UNC80: variants seen among roughly 807,000 people sequenced by gnomAD.
UNC80 encodes protein unc-80 homolog.
Under a neutral mutation model 384.6 loss-of-function variants are expected in UNC80, and 164 were observed. The observed-to-expected ratio is 0.43, with a 90% CI of 0.38 to 0.49. The LOEUF is 0.49. UNC80 is among the 20% of genes least tolerant of loss of function. UNC80 has a pLI of 0.00. For synonymous variants in UNC80, 1,486 were observed against 1,527.8 expected (o/e 0.97, Z 0.64); for missense variants, 3,330 against 4,143.0 (o/e 0.80, Z 5.39).
chr2:209,978,222 T>A (rs900562963), intron 58 of UNC80, among the ~76,000 whole-genome samples: 1 of 152,160 alleles, frequency 6.6e-6, no homozygotes, highest in African/African-American at 2.4e-5. Flanking sequence ...CAAATTTAAT[T>A]TGCATCCTAC....
intron 51 of UNC80, chr2:209,961,215 T>G (rs1002095388): frequency 2.6e-5 from 4 of 152,144 alleles, no homozygotes; most frequent in Admixed American, 2.6e-4. Context: ...TGGCGCTCCC[T>G]CTAGAGGCCA....
chr2:209,817,685 T>C (rs189863741), intron 10 of UNC80, 127 bp from the exon 11 acceptor site: 6 of 1,182,210 alleles, frequency 5.1e-6, no homozygotes, highest in Admixed American at 5.3e-5. Context: ...CTTGCTTTTT[T>C]TGTCTGTGTT....
intron 36 of UNC80, 71 bp downstream of exon 36, chr2:209,927,057 C>T: frequency 6.7e-7 from 1 of 1,492,558 alleles, no homozygotes; most frequent in South Asian, 1.3e-5. Flanking sequence ...CAGTAGGTTG[C>T]TCTTAAACAC....
chr2:209,852,309 T>C (rs1003370192), intron 22 of UNC80, among the ~76,000 whole-genome samples: 1 of 151,994 alleles, frequency 6.6e-6, no homozygotes, highest in Non-Finnish European at 1.5e-5. Context: ...TTAAAGGAGC[T>C]CAGTAGTTCC....
At chr2:209,815,495 G>C (rs924829091) in intron 9 of UNC80, 104 bp downstream of exon 9, 130 of 1,307,190 alleles carry the variant, frequency 9.9e-5, no homozygotes, top group Middle Eastern at 4.5e-4. Context: ...AGGTGGGAAA[G>C]GGAACTTAGA....
At chr2:209,912,891 G>A (rs541534880) in intron 30 of UNC80, among the ~76,000 whole-genome samples, 24 of 152,120 alleles carry the variant, frequency 1.6e-4, no homozygotes, top group African/African-American at 5.6e-4. Context: ...ACTTCGGTTC[G>A]AACCACAGCT....
At chr2:209,794,030 G>A (rs562458035) in intron 7 of UNC80, among the ~76,000 whole-genome samples, 171 bp downstream of exon 7, 9 of 152,258 alleles carry the variant, frequency 5.9e-5, no homozygotes, top group African/African-American at 1.9e-4. Context: ...TGCTATGAAT[G>A]GCTCTCCTTT....
chr2:209,789,388 A>G, intron 5 of UNC80, 144 bp from the exon 6 acceptor site: 1 of 586,302 alleles, frequency 1.7e-6, no homozygotes. Context: ...TTATTTGAAT[A>G]TCTCTTACAA....
chr2:209,849,506 A>C lies in UNC80; in HGVS notation c.3510A>C (p.Lys1170Asn). The change falls in exon 22 of 65, where the codon AAA becomes AAC. Residue 1170 changes from lysine (K) to asparagine (N), a missense_variant. This residue lies in a region of UNC80 where 801 missense variants were observed against 950.8 expected (regional missense o/e 0.84). Coordinates refer to ENST00000673920, the MANE Select transcript of UNC80 (RefSeq NM_001371986.1). ...LSPNQDGGKS[K>N]NVVNLGAIRQ... ...CCAACCAAGATGGTGGAAAAAGCAA[A>C]AACGTGGTGAATCTTGGAGCAATCC... 1 of 1,551,036 alleles carries C rather than the reference A, an allele frequency of 6.4e-7. No individual in the cohort carries two copies. The highest frequency in any genetic ancestry group is 8.7e-7 in the Non-Finnish European group (1 of 1,146,556).
At chr2:209,794,823 T>G (rs2078054633) in intron 7 of UNC80, 1 of 454,862 alleles carries the variant, frequency 2.2e-6, no homozygotes, top group South Asian at 1.6e-5. Flanking sequence ...ACCATGATTC[T>G]GAGGCCTTCT....
chr2:209,880,312 A>T (rs1054128154), intron 24 of UNC80, among the ~76,000 whole-genome samples: 1 of 152,236 alleles, frequency 6.6e-6, no homozygotes, highest in African/African-American at 2.4e-5. Flanking sequence ...TGCAGAGCAA[A>T]AGAGAATATT....
At chr2:209,862,649 CTT>C (rs71043955) in intron 22 of UNC80, among the ~76,000 whole-genome samples, 15 of 78,778 alleles carry the variant, frequency 1.9e-4, no homozygotes, top group East Asian at 2.9e-4. Context: ...GCAACCTCTG[CTT>C]TTTTTTTTTT....
chr2:209,922,772 T>C (rs1298077430), intron 35 of UNC80, among the ~76,000 whole-genome samples: 1 of 152,254 alleles, frequency 6.6e-6, no homozygotes, highest in South Asian at 2.1e-4. Context: ...CCTCCTCAGC[T>C]GATTTCAGTG....
At chr2:209,955,046 C>G (rs2092347695) in intron 48 of UNC80, among the ~76,000 whole-genome samples, 1 of 152,148 alleles carries the variant, frequency 6.6e-6, no homozygotes, top group Non-Finnish European at 1.5e-5. Flanking sequence ...GTATGATGGG[C>G]TTTTCTGCTC....
Position 209,902,904 on chromosome 2 carries a change from C to CGTGT in UNC80, c.4582-1824_4582-1821dup, listed in dbSNP as rs56102642. On this transcript the variant is annotated intron_variant, in intron 28 of 64. Transcript: ENST00000673920. Reference sequence around the variant, plus strand: ...TATCTCCAAGGTATGCCTGTATACACGTGTGTGTGTGTGTGTGTGTGTGTG... The same window carrying CGTGT: ...TATCTCCAAGGTATGCCTGTATACACGTGTGTGTGTGTGTGTGTGTGTGTGTGTG... Among the ~76,000 whole-genome samples the CGTGT allele has an allele frequency of 6.2e-3, 876 of 141,294 alleles. 5 individuals carry two copies. The highest frequency in any genetic ancestry group is 0.012 in the African/African-American group (465 of 38,342). The allele number at this position is 141,294 out of a possible 152,430, so 92.7% of individuals were successfully genotyped here. A position where few individuals can be genotyped will look rare whatever the true frequency, so the allele number is the denominator to read the frequency against.
intron 28 of UNC80, among the ~76,000 whole-genome samples, chr2:209,903,430 A>T (rs28408130): frequency 5.2e-5 from 6 of 114,962 alleles, no homozygotes; most frequent in African/African-American, 2.0e-4. Context: ...ATATATATTT[A>T]TATATATACA....
At chr2:209,931,364 AACACAC>A (rs61386739) in intron 38 of UNC80, among the ~76,000 whole-genome samples, 2,205 of 125,518 alleles carry the variant, frequency 0.018, 21 homozygotes, top group African/African-American at 0.028. Flanking sequence ...TCTATGTTTA[AACACAC>A]ACACACACAC....
chr2:209,844,448 T>C (rs1278088159), intron 21 of UNC80, among the ~76,000 whole-genome samples: 1 of 93,778 alleles, frequency 1.1e-5, no homozygotes, highest in Non-Finnish European at 2.0e-5. Context: ...TCTTGCTCTT[T>C]TCTTTTCTTT....
chr2:209,872,617 C>A lies in UNC80; in HGVS notation c.3628-141C>A. 1.3e-6 allele frequency: 1 copy of A among 788,760 alleles called. No homozygotes were observed. The highest frequency in any genetic ancestry group is 2.0e-6 in the Non-Finnish European group (1 of 494,908). The allele number at this position is 788,760 out of a possible 1,614,324, so 48.9% of individuals were successfully genotyped here. On this transcript the variant is annotated intron_variant, in intron 22 of 64. Transcript: ENST00000673920. This position sits in a 1 kb window ranked among gnomAD's most constrained non-coding sequence, Gnocchi z 4.1. ...CACTACTGTGTTGGCCATACTGACA[C>A]CACCCTGGGAAATATGGCCAATATA...
Sources: gnomAD v4.1 joint callset for allele counts (sites outside exome capture counted in the v4.1 genomes callset) on GRCh38, gnomAD v4.1.1 for gene constraint, gnomAD v4.1.1 regional missense constraint, Gnocchi (gnomAD v3.1) non-coding constraint, MANE v1.5 for transcripts, NCBI Gene and HGNC (gene_info 2026-07-23, HGNC 2026-07-21) for gene names.